Variants in MFN2 observed in about 807,000 individuals in gnomAD.
The protein encoded by MFN2 is mitofusin 2.
A neutral mutation model predicts 87.5 loss-of-function variants in MFN2; 43 were observed. The ratio of observed to expected loss-of-function variants is 0.49; its 90% CI spans 0.38 to 0.63. The LOEUF is 0.63. MFN2 is among the 30% of genes least tolerant of loss of function. The probability of loss-of-function intolerance (pLI) is 0.00; values close to 1 mark genes in which losing one functional copy is unlikely to be tolerated. For missense variants in MFN2, 743 were observed against 972.8 expected, an observed-to-expected ratio of 0.76 and a Z score of 3.14; for synonymous variants, 337 against 359.9, an observed-to-expected ratio of 0.94 and a Z score of 0.72.
At chr1:12,009,018 C>T (rs1033569059) in intron 17 of MFN2, among the ~76,000 whole-genome samples, 4 of 152,204 alleles carry the variant, frequency 2.6e-5, no homozygotes, top group Non-Finnish European at 5.9e-5. Context: ...GCCAACACAG[C>T]GAAACCCCAT....
At chr1:11,992,762 C>G in intron 4 of MFN2, 72 bp downstream of exon 4, 2 of 1,575,958 alleles carry the variant, frequency 1.3e-6, no homozygotes, top group Non-Finnish European at 1.7e-6. Context: ...TGCAAGGTCA[C>G]AGAACGTTCC....
At chr1:11,981,842 A>G (rs990292957) in intron 1 of MFN2, 128 bp from the exon 2 acceptor site, 4 of 151,640 alleles carry the variant, frequency 2.6e-5, no homozygotes, top group Non-Finnish European at 1.5e-5. Context: ...CAACTCCCCA[A>G]TACCTCAATG....
intron 3 of MFN2, among the ~76,000 whole-genome samples, chr1:11,991,732 G>A (rs1010425840): frequency 2.6e-5 from 4 of 151,632 alleles, no homozygotes; most frequent in Non-Finnish European, 5.9e-5. Flanking sequence ...AGACCATCCC[G>A]GCTAAAACGG....
intron 3 of MFN2, among the ~76,000 whole-genome samples, chr1:11,991,801 G>T (rs1638689587): frequency 6.7e-6 from 1 of 149,634 alleles, no homozygotes; most frequent in Non-Finnish European, 1.5e-5. Flanking sequence ...GCGGGCGCCT[G>T]TAGTCCCAGC....
chr1:11,980,616 T>G (rs1645964666), intron 1 of MFN2, 132 bp downstream of exon 1: 1 of 395,716 alleles, frequency 2.5e-6, no homozygotes. Flanking sequence ...GGGTCCCCAC[T>G]CTCCGGCCTC....
intron 4 of MFN2, among the ~76,000 whole-genome samples, chr1:11,993,592 G>A (rs962498237): frequency 1.3e-5 from 2 of 151,980 alleles, no homozygotes; most frequent in East Asian, 1.9e-4. Flanking sequence ...AAAATTAGCC[G>A]GGTGAGGTGG....
rs983987063 is a variant in MFN2, at chr1:11,989,038, G to A, written c.-4-127G>A. 55 of 1,049,706 alleles carry A rather than the reference G, an allele frequency of 5.2e-5. 1 individual carries two copies. Among genetic ancestry groups the A allele is most frequent in the South Asian group, 1.3e-4 (10 of 77,722 alleles). The allele number at this position is 1,049,706 out of a possible 1,614,324, so 65.0% of individuals were successfully genotyped here. ...TCTTATCTCACCGTCCTTTGTTCTA[G>A]TCCTGGAGGTTGCAGTGACCTGAGA... On this transcript the variant is annotated intron_variant, in intron 2 of 18. Coordinates refer to ENST00000235329, the MANE Select transcript of MFN2 (RefSeq NM_014874.4).
chr1:12,011,381 G>A (rs1344573857), intron 18 of MFN2, 115 bp from the exon 19 acceptor site: 4 of 1,080,624 alleles, frequency 3.7e-6, no homozygotes, highest in African/African-American at 1.6e-5. Flanking sequence ...AAACACGATT[G>A]TTGGAGGATG....
At chr1:11,981,775 G>C (rs1312347180) in intron 1 of MFN2, 195 bp from the exon 2 acceptor site, 1 of 152,240 alleles carries the variant, frequency 6.6e-6, no homozygotes, top group African/African-American at 2.4e-5. Flanking sequence ...TGCACAGTCA[G>C]GATTGGTCCC....
Position 12,012,990 on chromosome 1 carries a change from G to C in MFN2, c.*1425G>C, listed in dbSNP as rs568961334. On this transcript the variant is annotated 3_prime_UTR_variant, in exon 19 of 19. Coordinates refer to ENST00000235329, the MANE Select transcript of MFN2 (RefSeq NM_014874.4). ...TGCACTGTTTGGTGGCCACATCACAGGTGATGTCCTGTTCACATACCTGCT... is the reference window on the plus strand; with the variant it reads ...TGCACTGTTTGGTGGCCACATCACACGTGATGTCCTGTTCACATACCTGCT... The C allele has an allele frequency of 1.2e-4, 27 of 220,022 alleles. No homozygotes were observed. The highest frequency in any genetic ancestry group is 6.3e-4 in the African/African-American group (27 of 42,618). 13.6% of individuals were successfully genotyped at this position (220,022 alleles called of 1,614,324 possible).
At chr1:11,988,547 A>G (rs558319815) in intron 2 of MFN2, among the ~76,000 whole-genome samples, 66 of 151,662 alleles carry the variant, frequency 4.4e-4, no homozygotes, top group Non-Finnish European at 8.7e-4. Flanking sequence ...CCCCTAACCA[A>G]TAGTGTTTTT....
chr1:12,006,936 A>G, intron 16 of MFN2, 117 bp from the exon 17 acceptor site: 2 of 1,381,374 alleles, frequency 1.4e-6, no homozygotes, highest in Non-Finnish European at 2.1e-6. Flanking sequence ...AGGAACTCAG[A>G]GTAGAAACAT....
Position 11,997,494 on chromosome 1 carries a change from C to T in MFN2, c.599+73C>T, listed in dbSNP as rs896464366. ...GTTTCCATTTCTGGATAATCTAGGC[C>T]AGGGTCCCTGGGCCCCATCCTTGCT... On this transcript the variant is annotated intron_variant, in intron 6 of 18. Coordinates refer to ENST00000235329, the MANE Select transcript of MFN2 (RefSeq NM_014874.4). 2.5e-6 allele frequency: 4 copies of T among 1,601,698 alleles called. No individual in the cohort carries two copies. The East Asian group carries it at 8.9e-5, about 36-fold the overall frequency.
intron 11 of MFN2, among the ~76,000 whole-genome samples, chr1:12,002,697 A>G (rs922835213): frequency 2.0e-5 from 3 of 152,212 alleles, no homozygotes; most frequent in Admixed American, 6.5e-5. Context: ...CTAAAGAATA[A>G]TATGAAAACA....
rs751183471 is a variant in MFN2, at chr1:11,989,270, T to G, written c.102T>G (p.Thr34=). The G allele has an allele frequency of 6.2e-7, 1 of 1,614,098 alleles. No homozygotes were observed. Among genetic ancestry groups the G allele is most frequent in the Non-Finnish European group, 8.5e-7 (1 of 1,180,026 alleles). ...CATCCCCACTTAAGCACTTTGTCACTGCCAAGAAGAAGATCAATGGCATTT... is the reference window on the plus strand; with the variant it reads ...CATCCCCACTTAAGCACTTTGTCACGGCCAAGAAGAAGATCAATGGCATTT... ...VNASPLKHFV[T]AKKKINGIFE... is the part of the protein sequence containing the mutation. Residue 34 remains threonine, a synonymous_variant, in exon 3 of 19, where the codon ACT becomes ACG. Coordinates refer to ENST00000235329, the MANE Select transcript of MFN2 (RefSeq NM_014874.4).
At chr1:12,001,632 A>T in intron 9 of MFN2, 78 bp downstream of exon 9, 1 of 1,607,426 alleles carries the variant, frequency 6.2e-7, no homozygotes. Context: ...CTGTCAGTAG[A>T]AAATCCTTCT....
In MFN2 at chr1:12,013,225, AT is replaced by A. The variant is rs1350317529; in HGVS notation, c.*1668del. 4.3e-5 allele frequency: 15 copies of A among 351,988 alleles called. No individual in the cohort carries two copies. The highest frequency in any genetic ancestry group is 9.7e-5 in the East Asian group (1 of 10,322). The allele number at this position is 351,988 out of a possible 1,614,324, so 21.8% of individuals were successfully genotyped here. Reference sequence around the variant, plus strand: ...AAAAAATTCTTTAGCGTAAACATGAATTTTTTTTCAATGTAGCCCCTGGGGA... The same window carrying A: ...AAAAAATTCTTTAGCGTAAACATGAATTTTTTTCAATGTAGCCCCTGGGGA... On this transcript the variant is annotated 3_prime_UTR_variant, in exon 19 of 19. Coordinates refer to ENST00000235329, the MANE Select transcript of MFN2 (RefSeq NM_014874.4).
chr1:11,984,071 C>A (rs1403894229), intron 2 of MFN2, among the ~76,000 whole-genome samples: 2 of 152,214 alleles, frequency 1.3e-5, no homozygotes, highest in East Asian at 3.8e-4. Context: ...ACCTTGTAAC[C>A]TGGAGCTCCC....
intron 4 of MFN2, among the ~76,000 whole-genome samples, chr1:11,993,526 G>A (rs995443811): frequency 2.0e-5 from 3 of 152,086 alleles, no homozygotes; most frequent in African/African-American, 7.2e-5. Context: ...ACGAGGTCAG[G>A]AGATCGAGAC....
Sources: allele counts gnomAD v4.1 joint callset (sites outside exome capture counted in the v4.1 genomes callset), GRCh38; gene constraint gnomAD v4.1.1; transcripts MANE v1.5; gene names NCBI Gene and HGNC (gene_info 2026-07-23, HGNC 2026-07-21).